The following SGCZ variants were observed in gnomAD, a reference collection of about 807,000 sequenced individuals.
SGCZ encodes the protein zeta-sarcoglycan.
A neutral mutation model predicts 41.3 loss-of-function variants in SGCZ; 40 were observed. The observed-to-expected ratio is 0.97, with a 90% CI of 0.75 to 1.26. The LOEUF (loss-of-function observed/expected upper bound fraction) is 1.26. Among genes scored for constraint, SGCZ ranks in the 50% most tolerant of loss-of-function variants. The pLI is 0.00. For missense variants in SGCZ, 552 were observed against 369.8 expected (o/e 1.49, Z -4.04); for synonymous variants, 206 against 137.5 (o/e 1.50, Z -3.49).
intron 1 of SGCZ, among the ~76,000 whole-genome samples, chr8:14,967,479 C>T (rs1430282291): frequency 3.3e-5 from 5 of 152,108 alleles, no homozygotes; most frequent in Non-Finnish European, 7.4e-5. Context: ...CATAAAGACT[C>T]AAAATAACTA....
At chr8:15,154,693 G>A (rs1462437590) in intron 1 of SGCZ, among the ~76,000 whole-genome samples, 1 of 152,184 alleles carries the variant, frequency 6.6e-6, no homozygotes, top group African/African-American at 2.4e-5. Context: ...ATTTGAAGAG[G>A]GCTTTGCATT....
At chr8:14,470,177 T>A (rs1801174474) in intron 2 of SGCZ, among the ~76,000 whole-genome samples, 1 of 152,106 alleles carries the variant, frequency 6.6e-6, no homozygotes, top group Non-Finnish European at 1.5e-5. Flanking sequence ...CTACTTTATA[T>A]GTGGGAAAAA....
intron 1 of SGCZ, among the ~76,000 whole-genome samples, chr8:15,101,402 C>T: frequency 6.6e-6 from 1 of 151,942 alleles, no homozygotes; most frequent in East Asian, 1.9e-4. Flanking sequence ...AACAAGAAAA[C>T]AAACAACCTA....
At chr8:14,200,347 T>C (rs1247456163) in intron 4 of SGCZ, among the ~76,000 whole-genome samples, 2 of 152,154 alleles carry the variant, frequency 1.3e-5, no homozygotes, top group Non-Finnish European at 2.9e-5. Flanking sequence ...TTTGTAGAGA[T>C]TGAAAGATGA....
intron 2 of SGCZ, among the ~76,000 whole-genome samples, chr8:14,432,178 G>A (rs760833471): frequency 2.0e-5 from 3 of 152,082 alleles, no homozygotes; most frequent in Non-Finnish European, 4.4e-5. Context: ...TCCCACTACT[G>A]GGTATCTACC....
chr8:14,485,008 T>C (rs985006438), intron 2 of SGCZ, among the ~76,000 whole-genome samples: 1 of 152,190 alleles, frequency 6.6e-6, no homozygotes, highest in South Asian at 2.1e-4. Flanking sequence ...CTGTAAGTAT[T>C]TTGTTTCTCT....
At chr8:14,338,424 C>A (rs1484831134) in intron 2 of SGCZ, among the ~76,000 whole-genome samples, 1 of 152,114 alleles carries the variant, frequency 6.6e-6, no homozygotes, top group East Asian at 1.9e-4. Flanking sequence ...TGTATAGACC[C>A]AGCTGTCCCA....
At chr8:14,205,319 T>C (rs1487180540) in intron 4 of SGCZ, among the ~76,000 whole-genome samples, 1 of 152,186 alleles carries the variant, frequency 6.6e-6, no homozygotes, top group African/African-American at 2.4e-5. Context: ...AGGGTTTTTG[T>C]GTATTGTCAA....
chr8:14,689,570 A>T (rs1264048011), intron 1 of SGCZ, among the ~76,000 whole-genome samples: 1 of 152,162 alleles, frequency 6.6e-6, no homozygotes, highest in Non-Finnish European at 1.5e-5. Context: ...TTACTAACAT[A>T]ATTAAATTCT....
intron 4 of SGCZ, among the ~76,000 whole-genome samples, chr8:14,210,757 G>A (rs113592912): frequency 0.012 from 1,836 of 152,246 alleles, 18 homozygotes; most frequent in South Asian, 0.028. Flanking sequence ...GTGAGCCACT[G>A]CACCCAGCCC....
chr8:14,389,238 C>T lies in SGCZ; in HGVS notation c.235-65034G>A, dbSNP rs191228014. ...TATTAATATAAATGAAAAGGCAAAA[C>T]GACTGAGAGTATAATTTGAAAAGTT... On this transcript the variant is annotated intron_variant, in intron 2 of 7. Transcript: ENST00000382080. Among the ~76,000 whole-genome samples the T allele has an allele frequency of 8.6e-5, 13 of 151,544 alleles. 1 individual carries two copies. The highest frequency in any genetic ancestry group is 6.2e-4 in the South Asian group (3 of 4,818).
At chr8:14,325,681 A>C (rs1435583795) in intron 2 of SGCZ, among the ~76,000 whole-genome samples, 2 of 142,094 alleles carry the variant, frequency 1.4e-5, no homozygotes, top group African/African-American at 5.0e-5. Flanking sequence ...ATTATAGGAC[A>C]ATACATAATC....
chr8:15,003,994 G>T (rs896549378), intron 1 of SGCZ, among the ~76,000 whole-genome samples: 3 of 152,066 alleles, frequency 2.0e-5, no homozygotes, highest in Admixed American at 6.6e-5. Flanking sequence ...TGAGCAGGAG[G>T]GGGGAAGCCC....
At chr8:14,832,698 G>C (rs1363671207) in intron 1 of SGCZ, among the ~76,000 whole-genome samples, 2 of 152,114 alleles carry the variant, frequency 1.3e-5, no homozygotes, top group Admixed American at 6.6e-5. Context: ...TGGGTGTGTT[G>C]ACTTTGGGAA....
At chr8:14,603,589 T>C (rs569252490) in intron 1 of SGCZ, among the ~76,000 whole-genome samples, 16 of 152,194 alleles carry the variant, frequency 1.1e-4, no homozygotes, top group Non-Finnish European at 2.1e-4. Flanking sequence ...TTTTAGGGTT[T>C]TTTTAAAATA....
intron 1 of SGCZ, among the ~76,000 whole-genome samples, chr8:14,776,214 T>A (rs573787126): frequency 6.6e-6 from 1 of 152,146 alleles, no homozygotes; most frequent in Non-Finnish European, 1.5e-5. Flanking sequence ...AAATCTTACT[T>A]TGAATTGTAA....
intron 2 of SGCZ, among the ~76,000 whole-genome samples, chr8:14,520,464 T>C (rs902221102): frequency 3.3e-5 from 5 of 152,168 alleles, no homozygotes; most frequent in African/African-American, 7.2e-5. Context: ...TGCTTTAGCA[T>C]ATCTCTTGGC....
intron 1 of SGCZ, among the ~76,000 whole-genome samples, chr8:14,955,500 T>C (rs1339591139): frequency 6.6e-6 from 1 of 152,242 alleles, no homozygotes; most frequent in Non-Finnish European, 1.5e-5. Flanking sequence ...CCAAGCTGTT[T>C]TCCAAAGTGA....
At chr8:15,196,666 G>C (rs1310873690) in intron 1 of SGCZ, among the ~76,000 whole-genome samples, 2 of 151,990 alleles carry the variant, frequency 1.3e-5, no homozygotes, top group Non-Finnish European at 2.9e-5. Flanking sequence ...TTAAGTTTTA[G>C]GGTACATGTA....
Sources: allele counts gnomAD v4.1 joint callset (sites outside exome capture counted in the v4.1 genomes callset), GRCh38; gene constraint gnomAD v4.1.1; transcripts MANE v1.5; gene names NCBI Gene and HGNC (gene_info 2026-07-23, HGNC 2026-07-21).